The following TMEM272 variants were observed in gnomAD, a reference collection of about 807,000 sequenced individuals.
TMEM272 encodes the protein transmembrane protein 272.
In TMEM272, 8 loss-of-function variants were observed where a neutral mutation model predicts 3.7. The ratio of observed to expected loss-of-function variants is 2.17; its 90% CI spans 1.27 to 3.91. The LOEUF is 3.91. Among genes scored for constraint, TMEM272 ranks in the 30% most tolerant of loss-of-function variants. The probability of loss-of-function intolerance (pLI) is 0.00; values close to 1 mark genes in which losing one functional copy is unlikely to be tolerated. For synonymous variants in TMEM272, 63 were observed against 39.8 expected (o/e 1.58, Z -2.20); for missense variants, 166 against 91.5 (o/e 1.81, Z -3.32).
At chr13:51,873,583 C>T in the TMEM272 span, among the ~76,000 whole-genome samples, 1 of 152,232 alleles carries the variant, frequency 6.6e-6, no homozygotes, top group Non-Finnish European at 1.5e-5. Context: ...TCTGCTCCAG[C>T]CACACAGAAC....
the TMEM272 span, chr13:51,933,406 GGCAAGTAAT>G: frequency 6.6e-6 from 1 of 152,290 alleles, no homozygotes; most frequent in African/African-American, 2.4e-5. Context: ...AACTGCCCCT[GGCAAGTAAT>G]GGACAATGAA....
the TMEM272 span, chr13:51,933,730 TG>T: frequency 1.3e-5 from 2 of 152,242 alleles, no homozygotes; most frequent in African/African-American, 4.8e-5. Flanking sequence ...GCTAGTCACA[TG>T]AATTCTCTAC....
At chr13:51,868,953 T>C in the TMEM272 span, among the ~76,000 whole-genome samples, 2 of 152,160 alleles carry the variant, frequency 1.3e-5, no homozygotes, top group African/African-American at 4.8e-5. Flanking sequence ...TTACCCAAAT[T>C]ACCCAAAGCT....
chr13:51,819,937 C>A (rs945712795), intron 4 of TMEM272, among the ~76,000 whole-genome samples: 11 of 151,990 alleles, frequency 7.2e-5, no homozygotes, highest in African/African-American at 2.7e-4. Flanking sequence ...ACTGCATGTC[C>A]TTGTTGGCTT....
chr13:51,928,392 A>G, the TMEM272 span, among the ~76,000 whole-genome samples: 1 of 152,156 alleles, frequency 6.6e-6, no homozygotes, highest in African/African-American at 2.4e-5. Flanking sequence ...TAATTGCTTT[A>G]CTCAGATGAC....
At chr13:51,908,730 C>T in the TMEM272 span, 7 of 1,467,732 alleles carry the variant, frequency 4.8e-6, no homozygotes, top group African/African-American at 1.4e-5. Context: ...TAGTCCAGAG[C>T]GTCTAGCAGA....
chr13:51,822,825 C>T (rs1285223945), intron 3 of TMEM272, among the ~76,000 whole-genome samples: 2 of 152,254 alleles, frequency 1.3e-5, no homozygotes, highest in African/African-American at 2.4e-5. Flanking sequence ...CAAAGCAATG[C>T]TCTGTCTACT....
At chr13:51,865,845 T>C in the TMEM272 span, 2 of 1,613,866 alleles carry the variant, frequency 1.2e-6, no homozygotes, top group East Asian at 2.2e-5. Context: ...GACAAGGCCC[T>C]GTGGGAGGAA....
At chr13:51,910,221 A>T in the TMEM272 span, 3 of 1,254,564 alleles carry the variant, frequency 2.4e-6, no homozygotes, top group Non-Finnish European at 3.5e-6. Context: ...GGACCTGTTC[A>T]GCTTTTCACA....
At chr13:51,931,718 T>C in the TMEM272 span, among the ~76,000 whole-genome samples, 2 of 152,088 alleles carry the variant, frequency 1.3e-5, no homozygotes, top group African/African-American at 2.4e-5. Context: ...CTTTTCACAA[T>C]GGGACATGCA....
intron 2 of TMEM272, among the ~76,000 whole-genome samples, chr13:51,835,781 T>C (rs1316341404): frequency 2.6e-5 from 4 of 152,224 alleles, no homozygotes; most frequent in African/African-American, 9.6e-5. Context: ...AGAGCAAACA[T>C]TCAGATACTT....
chr13:51,931,584 C>G, the TMEM272 span, among the ~76,000 whole-genome samples: 2 of 152,180 alleles, frequency 1.3e-5, no homozygotes, highest in African/African-American at 4.8e-5. Flanking sequence ...CACATGTGTA[C>G]CTACGTAACA....
chr13:51,903,942 CGTGT>C, the TMEM272 span, among the ~76,000 whole-genome samples: 26 of 136,654 alleles, frequency 1.9e-4, no homozygotes, highest in South Asian at 2.3e-3. Flanking sequence ...CAGTCTTCCA[CGTGT>C]GTGTGTGTGT....
chr13:51,909,253 C>G, the TMEM272 span: 1 of 1,127,236 alleles, frequency 8.9e-7, no homozygotes, highest in African/African-American at 1.5e-5. Flanking sequence ...TTATCATGTG[C>G]TTTTTTCTCA....
rs1032641806 is a variant in TMEM272 at position 51,840,979 on chromosome 13, C to T, written c.-23-2426G>A. Among the ~76,000 whole-genome samples the T allele has an allele frequency of 2.0e-5, 3 of 152,206 alleles. No homozygotes were observed. The East Asian group carries it at 5.8e-4, about 29-fold the overall frequency. ...ATCCGTTTGTTACATAACAAGTAGG[C>T]CCCAAGCCATGGACAAATGGCTACT... On this transcript the variant is annotated intron_variant, in intron 1 of 4. Coordinates refer to ENST00000629372, the MANE Select transcript of TMEM272 (RefSeq NM_001351003.2).
In TMEM272 at chr13:51,838,350, C is replaced by T. The variant is rs920136710; in HGVS notation, c.58+123G>A. 1.7e-5 allele frequency: 12 copies of T among 688,866 alleles called. No homozygotes were observed. In the African/African-American group the frequency reaches 2.1e-4, roughly 12 times the overall value. 42.7% of individuals were successfully genotyped at this position (688,866 alleles called of 1,614,324 possible). A position where few individuals can be genotyped will look rare whatever the true frequency, so the allele number is the denominator to read the frequency against. ...GACACTGTCTTCCCCAGCTCTACCACCCTGGGGCCACCCCATACCAAGCAC... is the reference window on the plus strand; with the variant it reads ...GACACTGTCTTCCCCAGCTCTACCATCCTGGGGCCACCCCATACCAAGCAC... On this transcript the variant is annotated intron_variant, in intron 2 of 4. Transcript: ENST00000629372.
At chr13:51,819,952 A>G (rs1483905953) in intron 4 of TMEM272, among the ~76,000 whole-genome samples, 1 of 152,144 alleles carries the variant, frequency 6.6e-6, no homozygotes, top group Non-Finnish European at 1.5e-5. Flanking sequence ...TGGCTTAGAG[A>G]AGTCCTGGTT....
chr13:51,908,392 G>C, the TMEM272 span: 29 of 1,489,568 alleles, frequency 1.9e-5, no homozygotes, highest in East Asian at 6.3e-4. Flanking sequence ...ATTGCAAATG[G>C]AGCACGTGGT....
chr13:51,834,809 T>C (rs557748063), intron 2 of TMEM272, among the ~76,000 whole-genome samples: 1 of 152,328 alleles, frequency 6.6e-6, no homozygotes, highest in South Asian at 2.1e-4. Flanking sequence ...CACTTGTCCG[T>C]TTCATTGAGT....
Sources: gnomAD v4.1 joint callset for allele counts (sites outside exome capture counted in the v4.1 genomes callset) on GRCh38, gnomAD v4.1.1 for gene constraint, MANE v1.5 for transcripts, NCBI Gene and HGNC (gene_info 2026-07-23, HGNC 2026-07-21) for gene names.